DYM: variants seen among roughly 807,000 people sequenced by gnomAD.
DYM encodes dyggve-Melchior-Clausen syndrome protein.
DYM carries 78 observed loss-of-function variants against 93.1 expected under a neutral mutation model. The ratio of observed to expected loss-of-function variants is 0.84; its 90% CI spans 0.70 to 1.01. DYM has a LOEUF of 1.01. Among genes scored for constraint, DYM ranks in the 50% least tolerant of loss-of-function variants. DYM has a pLI of 0.00. For synonymous variants in DYM, 321 were observed against 319.7 expected, an observed-to-expected ratio of 1.00 and a Z score of -0.04; for missense variants, 789 against 845.0, an observed-to-expected ratio of 0.93 and a Z score of 0.82.
intron 17 of DYM, among the ~76,000 whole-genome samples, chr18:49,080,058 G>A (rs566491788): frequency 6.1e-5 from 9 of 147,268 alleles, no homozygotes; most frequent in Non-Finnish European, 1.2e-4. Context: ...AGTAGGGGTG[G>A]CCGGGCAGAG....
intron 3 of DYM, among the ~76,000 whole-genome samples, chr18:49,383,094 TA>T: frequency 6.6e-6 from 1 of 152,056 alleles, no homozygotes; most frequent in African/African-American, 2.4e-5. Flanking sequence ...CTTCAATAAA[TA>T]CACTGAGAGA....
At chr18:49,246,399 A>C (rs2094167254) in intron 13 of DYM, among the ~76,000 whole-genome samples, 1 of 152,230 alleles carries the variant, frequency 6.6e-6, no homozygotes, top group Non-Finnish European at 1.5e-5. Flanking sequence ...ATTCATCAAG[A>C]AGGAAAATGC....
chr18:49,150,779 A>T (rs1362563521), intron 15 of DYM, among the ~76,000 whole-genome samples: 1 of 152,226 alleles, frequency 6.6e-6, no homozygotes, highest in African/African-American at 2.4e-5. Flanking sequence ...GATGTCAAGC[A>T]TGATGCAAAT....
chr18:49,252,241 A>AAAAAAAAAAAAAAAAAAAC, intron 13 of DYM, among the ~76,000 whole-genome samples: 1 of 148,446 alleles, frequency 6.7e-6, no homozygotes, highest in Non-Finnish European at 1.5e-5. Flanking sequence ...AAAAAAAAAA[A>AAAAAAAAAAAAAAAAAAAC]AGAACTGCCT....
intron 2 of DYM, among the ~76,000 whole-genome samples, chr18:49,429,785 T>C (rs2074633834): frequency 2.0e-5 from 3 of 152,128 alleles, no homozygotes; most frequent in Admixed American, 1.3e-4. Flanking sequence ...CTGGAAACAA[T>C]CTAAATGTTC....
In DYM at chr18:49,232,699, C is replaced by G. The variant is rs1013468965; in HGVS notation, c.1461-22984G>C. ...TCTCGGCTCACTGCAACCTCTGCGT[C>G]CCGGGTTCAAGCGATTCTCCTGCCT... On this transcript the variant is annotated intron_variant, in intron 13 of 17. Coordinates refer to ENST00000675505, the MANE Select transcript of DYM (RefSeq NM_001353214.3). Among the ~76,000 whole-genome samples the G allele has an allele frequency of 2.0e-5, 3 of 148,196 alleles. No homozygotes were observed. The Admixed American group carries it at 2.1e-4, about 10-fold the overall frequency.
intron 14 of DYM, among the ~76,000 whole-genome samples, chr18:49,185,065 A>G (rs2090312137): frequency 6.6e-6 from 1 of 152,184 alleles, no homozygotes; most frequent in South Asian, 2.1e-4. Context: ...GTTGTGCACA[A>G]TCTTGAGAAA....
At chr18:49,443,146 C>T (rs958599992) in intron 1 of DYM, among the ~76,000 whole-genome samples, 22 of 152,260 alleles carry the variant, frequency 1.4e-4, no homozygotes, top group African/African-American at 5.3e-4. Context: ...CTGCGCCCAA[C>T]CTGATTTTTA....
chr18:49,399,507 C>T (rs962387545), intron 2 of DYM, among the ~76,000 whole-genome samples: 1 of 152,128 alleles, frequency 6.6e-6, no homozygotes, highest in African/African-American at 2.4e-5. Flanking sequence ...ATTTTTACAA[C>T]AGTATTAGCC....
intron 15 of DYM, among the ~76,000 whole-genome samples, chr18:49,145,077 C>T (rs2084935461): frequency 1.0e-5 from 1 of 98,570 alleles, no homozygotes; most frequent in African/African-American, 3.5e-5. Flanking sequence ...CCAGCCTGGG[C>T]AACAGTGCAA....
At chr18:49,417,157 G>A (rs1289956116) in intron 2 of DYM, among the ~76,000 whole-genome samples, 1 of 152,048 alleles carries the variant, frequency 6.6e-6, no homozygotes, top group African/African-American at 2.4e-5. Context: ...GTTGGTGGTG[G>A]TGTTGTTTGA....
rs1255788192 is a variant in DYM, at chr18:49,080,017, G to T, written c.2025+17385C>A. ...CGCCCCTCACCTCCCGGACGGGGCG[G>T]CTGGCTGGGCAGAGGGGTGCCTCAC... On this transcript the variant is annotated intron_variant, in intron 17 of 17. Coordinates refer to ENST00000675505, the MANE Select transcript of DYM (RefSeq NM_001353214.3). Among the ~76,000 whole-genome samples the T allele has an allele frequency of 5.3e-5, 8 of 150,832 alleles. No individual in the cohort carries two copies. The South Asian group carries it at 1.7e-3, about 32-fold the overall frequency.
chr18:49,369,332 G>C (rs929254267), intron 5 of DYM, among the ~76,000 whole-genome samples: 1 of 152,168 alleles, frequency 6.6e-6, no homozygotes, highest in African/African-American at 2.4e-5. Flanking sequence ...ATGGATAACA[G>C]ATCTCTAGTA....
chr18:49,202,905 G>C lies in DYM; in HGVS notation c.1625+6646C>G, dbSNP rs1293745224. ...CCACCCCGTCCGGGAGGGAGGTTGGGGGGGGTCAGCCCCCCGCCTGGCCAG... is the reference window on the plus strand; with the variant it reads ...CCACCCCGTCCGGGAGGGAGGTTGGCGGGGGTCAGCCCCCCGCCTGGCCAG... On this transcript the variant is annotated intron_variant, in intron 14 of 17. Coordinates refer to ENST00000675505, the MANE Select transcript of DYM (RefSeq NM_001353214.3). 1.1e-3 allele frequency among the ~76,000 whole-genome samples: 156 copies of C among 138,032 alleles called. 2 individuals are homozygous for C. Among genetic ancestry groups the C allele is most frequent in the Non-Finnish European group, 1.8e-3 (111 of 62,914 alleles). 90.6% of individuals were successfully genotyped at this position (138,032 alleles called of 152,430 possible).
chr18:49,402,304 T>C (rs2070945827), intron 2 of DYM, among the ~76,000 whole-genome samples: 1 of 152,152 alleles, frequency 6.6e-6, no homozygotes, highest in Non-Finnish European at 1.5e-5. Flanking sequence ...GGGGAGTCAT[T>C]AAGCACAAAA....
chr18:49,423,669 AAG>A (rs1350152042), intron 2 of DYM, among the ~76,000 whole-genome samples: 1 of 152,164 alleles, frequency 6.6e-6, no homozygotes, highest in Non-Finnish European at 1.5e-5. Context: ...TAAAGAAGAA[AAG>A]AGAGAAGAAT....
At chr18:49,258,557 T>G in intron 11 of DYM, 64 bp from the exon 12 acceptor site, 1 of 1,035,990 alleles carries the variant, frequency 9.7e-7, no homozygotes, top group Non-Finnish European at 1.5e-6. Flanking sequence ...AATTACTCCA[T>G]GTCCACAATT....
Position 49,272,323 on chromosome 18 carries a change from A to C in DYM, c.1126-20T>G. 1 of 1,415,294 alleles carries C rather than the reference A, an allele frequency of 7.1e-7. No homozygotes were observed. Among genetic ancestry groups the C allele is most frequent in the Non-Finnish European group, 1.0e-6 (1 of 1,002,112 alleles). 87.7% of individuals were successfully genotyped at this position (1,415,294 alleles called of 1,614,324 possible). A position where few individuals can be genotyped will look rare whatever the true frequency, so the allele number is the denominator to read the frequency against. ...TAAAACCTAGAGAATAAAAATTATAATTGACTATTTCAATACTTCATTATA... is the reference window on the plus strand; with the variant it reads ...TAAAACCTAGAGAATAAAAATTATACTTGACTATTTCAATACTTCATTATA... On this transcript the variant is annotated intron_variant, in intron 10 of 17. Transcript: ENST00000675505.
chr18:49,115,062 A>G (rs1238080090), intron 16 of DYM, among the ~76,000 whole-genome samples: 8 of 152,354 alleles, frequency 5.3e-5, no homozygotes, highest in Non-Finnish European at 8.8e-5. Context: ...ACAGTAAACA[A>G]GTTAATTAAT....
Sources: gnomAD v4.1 joint callset for allele counts (sites outside exome capture counted in the v4.1 genomes callset) on GRCh38, gnomAD v4.1.1 for gene constraint, MANE v1.5 for transcripts, NCBI Gene and HGNC (gene_info 2026-07-23, HGNC 2026-07-21) for gene names.